Variants in DNAH14 observed in about 807,000 individuals in gnomAD.
DNAH14 encodes dynein axonemal heavy chain 14.
In DNAH14, 478 loss-of-function variants were observed where a neutral mutation model predicts 520.9. The observed-to-expected ratio is 0.92, with a 90% confidence interval of 0.85 to 0.99. The LOEUF is 0.99. DNAH14 is among the 50% of genes least tolerant of loss of function. The pLI, the probability that DNAH14 is intolerant of heterozygous loss-of-function variation, is 0.00. For missense variants in DNAH14, 4,831 were observed against 5,234.5 expected (o/e 0.92, Z 2.38); for synonymous variants, 1,581 against 1,757.2 (o/e 0.90, Z 2.51).
chr1:225,203,302 A>C (rs966132339), intron 38 of DNAH14, among the ~76,000 whole-genome samples: 6 of 152,214 alleles, frequency 3.9e-5, no homozygotes, highest in African/African-American at 1.4e-4. Flanking sequence ...ATCCAAGCAT[A>C]ATAATTACTT....
chr1:224,933,663 T>G (rs956679473), intron 1 of DNAH14, among the ~76,000 whole-genome samples: 4 of 152,152 alleles, frequency 2.6e-5, no homozygotes, highest in African/African-American at 9.7e-5. Flanking sequence ...GTCCAATGCT[T>G]GTTCTGCATT....
intron 79 of DNAH14, among the ~76,000 whole-genome samples, chr1:225,379,436 C>T (rs895027631): frequency 4.6e-5 from 7 of 152,254 alleles, no homozygotes; most frequent in African/African-American, 1.4e-4. Flanking sequence ...TATCTTCAGA[C>T]GGAACTTAAG....
chr1:225,006,132 G>A (rs1363997673), intron 9 of DNAH14, among the ~76,000 whole-genome samples: 2 of 152,048 alleles, frequency 1.3e-5, no homozygotes, highest in African/African-American at 4.8e-5. Flanking sequence ...AGATTTCATG[G>A]GCATTTATCA....
intron 17 of DNAH14, among the ~76,000 whole-genome samples, chr1:225,074,303 T>C (rs2071969274): frequency 6.6e-6 from 1 of 152,154 alleles, no homozygotes; most frequent in Non-Finnish European, 1.5e-5. Flanking sequence ...CCGGCCTGTC[T>C]TAGGAAGTTT....
chr1:225,111,318 A>G (rs1374317338), intron 23 of DNAH14, among the ~76,000 whole-genome samples: 1 of 152,020 alleles, frequency 6.6e-6, no homozygotes, highest in Non-Finnish European at 1.5e-5. Context: ...ATTTATATTT[A>G]TATGCACCTT....
intron 72 of DNAH14, 134 bp from the exon 73 acceptor site, chr1:225,353,669 C>T (rs975745126): frequency 3.1e-5 from 19 of 609,964 alleles, no homozygotes; most frequent in Non-Finnish European, 5.6e-5. Flanking sequence ...AAATAAAGCT[C>T]ACTTTAAAAG....
intron 81 of DNAH14, among the ~76,000 whole-genome samples, chr1:225,386,009 G>A (rs138181820): frequency 0.077 from 11,644 of 152,150 alleles, 757 homozygotes; most frequent in East Asian, 0.36. Context: ...CCAAAACAGC[G>A]TGGTACTGGT....
Position 225,002,868 on chromosome 1 carries a change from A to G in DNAH14, c.916A>G (p.Ile306Val), listed in dbSNP as rs1176793305. Residue 306 changes from isoleucine to valine, a missense_variant, in exon 9 of 86, where the codon ATT becomes GTT. Physicochemically the swap from Ile to Val is conservative, Grantham distance 29 (BLOSUM62 3). Transcript: ENST00000682510. ...TATAAGAGGACTTTGTGAAGATGCA[A>G]TTAATCTCAAAAATTATAATGACCA... ...VYIRGLCEDA[I>V]NLKNYNDHEN... 2.5e-5 allele frequency: 38 copies of G among 1,549,566 alleles called. No homozygotes were observed. The highest frequency in any genetic ancestry group is 4.9e-5 in the East Asian group (2 of 40,748).
Position 224,984,786 on chromosome 1 carries a change from T to A in DNAH14, c.830+10633T>A, listed in dbSNP as rs185044867. 6.1e-3 allele frequency among the ~76,000 whole-genome samples: 916 copies of A among 151,320 alleles called. 44 individuals carry two copies. Among genetic ancestry groups the A allele is most frequent in the Admixed American group, 0.049 (752 of 15,200 alleles). On this transcript the variant is annotated intron_variant, in intron 8 of 85. Transcript: ENST00000682510. ...AACAAATCAGTAAGAGAAAAAACAA[T>A]CCCATAAAAAAGTGGGCTAAGGACA...
intron 18 of DNAH14, 126 bp from the exon 19 acceptor site, chr1:225,080,253 A>C (rs2072962450): frequency 4.1e-6 from 4 of 965,864 alleles, no homozygotes; most frequent in Non-Finnish European, 5.8e-6. Flanking sequence ...TGGTAATGAT[A>C]GTTCCAGTTT....
At chr1:225,394,262 A>T (rs1162130396) in intron 84 of DNAH14, among the ~76,000 whole-genome samples, 1 of 152,064 alleles carries the variant, frequency 6.6e-6, no homozygotes, top group Non-Finnish European at 1.5e-5. Flanking sequence ...TGTCGTATTG[A>T]TTTATAGAAG....
intron 38 of DNAH14, among the ~76,000 whole-genome samples, chr1:225,193,333 T>C (rs1427006094): frequency 6.6e-6 from 1 of 152,088 alleles, no homozygotes; most frequent in Non-Finnish European, 1.5e-5. Context: ...TCATTAGCAA[T>C]AACTAGAGAT....
At chr1:225,124,231 G>T (rs983541065) in intron 27 of DNAH14, among the ~76,000 whole-genome samples, 2 of 152,186 alleles carry the variant, frequency 1.3e-5, no homozygotes, top group Non-Finnish European at 2.9e-5. Flanking sequence ...CAGGGTGGTG[G>T]TTGCTGAAGG....
chr1:225,377,347 C>T lies in DNAH14; in HGVS notation c.12627C>T (p.Ile4209=). The T allele has an allele frequency of 6.4e-7, 1 of 1,550,582 alleles. No homozygotes were observed. Among genetic ancestry groups the T allele is most frequent in the Non-Finnish European group, 8.7e-7 (1 of 1,146,706 alleles). The change falls in exon 79 of 86, where the codon ATC becomes ATT. Residue 4209 remains isoleucine, a synonymous_variant. Transcript: ENST00000682510. ...PEVLGIHPEA[I]RSCWETQGEK... is the part of the protein sequence containing the mutation. ...TCTTAGGAATACACCCAGAGGCCAT[C>T]AGGAGCTGCTGGGAGACCCAGGGCG...
intron 1 of DNAH14, among the ~76,000 whole-genome samples, chr1:224,940,742 A>G (rs192070502): frequency 1.7e-4 from 26 of 148,754 alleles, no homozygotes; most frequent in African/African-American, 4.1e-4. Flanking sequence ...TCATTGTTCA[A>G]TTCTCACCTA....
chr1:225,185,553 TAAG>T (rs2084593801), intron 37 of DNAH14, 128 bp downstream of exon 37: 1 of 976,218 alleles, frequency 1.0e-6, no homozygotes, highest in East Asian at 3.2e-5. Context: ...ATTTTGTAGT[TAAG>T]AATCATAATG....
intron 8 of DNAH14, among the ~76,000 whole-genome samples, chr1:224,977,319 A>G (rs972090294): frequency 8.3e-6 from 1 of 121,158 alleles, no homozygotes; most frequent in African/African-American, 3.1e-5. Flanking sequence ...GGGGAACATC[A>G]CACTCTGGGG....
intron 13 of DNAH14, 84 bp downstream of exon 13, chr1:225,043,198 G>C: frequency 3.7e-6 from 5 of 1,367,454 alleles, no homozygotes; most frequent in Non-Finnish European, 4.8e-6. Flanking sequence ...GGGAGGCTGA[G>C]GTGGGAGGAT....
At chr1:225,295,681 T>C (rs1412011242) in intron 55 of DNAH14, among the ~76,000 whole-genome samples, 1 of 152,220 alleles carries the variant, frequency 6.6e-6, no homozygotes, top group Non-Finnish European at 1.5e-5. Context: ...TAGTCAGTCA[T>C]GCAGAATGTT....
Sources: allele counts gnomAD v4.1 joint callset (sites outside exome capture counted in the v4.1 genomes callset), GRCh38; gene constraint gnomAD v4.1.1; transcripts MANE v1.5; gene names NCBI Gene and HGNC (gene_info 2026-07-23, HGNC 2026-07-21).